Variants in LIN28B observed in about 807,000 individuals in gnomAD.
LIN28B encodes the protein protein lin-28 homolog B.
Under a neutral mutation model 21.9 loss-of-function variants are expected in LIN28B, and 5 were observed. The ratio of observed to expected loss-of-function variants is 0.23; its 90% CI spans 0.12 to 0.48. The LOEUF (loss-of-function observed/expected upper bound fraction) is 0.48. Among genes scored for constraint, LIN28B ranks in the 20% least tolerant of loss-of-function variants. The probability of loss-of-function intolerance (pLI) is 0.98; values close to 1 mark genes in which losing one functional copy is unlikely to be tolerated. For synonymous variants in LIN28B, 109 were observed against 111.3 expected (o/e 0.98, Z 0.13); for missense variants, 245 against 310.5 (o/e 0.79, Z 1.58).
intron 3 of LIN28B, among the ~76,000 whole-genome samples, chr6:105,069,245 A>C (rs752614826): frequency 6.6e-6 from 1 of 152,156 alleles, no homozygotes; most frequent in Non-Finnish European, 1.5e-5. Context: ...AAACAAAAAA[A>C]CAGAATTTGG....
chr6:104,995,084 CA>C (rs1459248196), intron 2 of LIN28B, among the ~76,000 whole-genome samples: 1 of 152,138 alleles, frequency 6.6e-6, no homozygotes, highest in East Asian at 1.9e-4. Context: ...GCATATATTT[CA>C]AAATCCCAGA....
intron 2 of LIN28B, among the ~76,000 whole-genome samples, chr6:104,977,862 G>A (rs1046203799): frequency 9.2e-5 from 14 of 151,944 alleles, no homozygotes; most frequent in South Asian, 2.1e-4. Context: ...CACCGCACCC[G>A]ACCAGGTGTA....
chr6:104,968,225 A>G (rs913781185), intron 2 of LIN28B, among the ~76,000 whole-genome samples: 2 of 152,202 alleles, frequency 1.3e-5, no homozygotes, highest in African/African-American at 4.8e-5. Flanking sequence ...CATAAAAGCA[A>G]AGGATCATTT....
intron 2 of LIN28B, among the ~76,000 whole-genome samples, chr6:105,024,517 T>C (rs1424405099): frequency 6.6e-6 from 1 of 152,166 alleles, no homozygotes; most frequent in Non-Finnish European, 1.5e-5. Context: ...AATGAGAAGA[T>C]GCTTTAGAAA....
intron 3 of LIN28B, among the ~76,000 whole-genome samples, chr6:105,046,128 T>G (rs974549541): frequency 6.6e-6 from 1 of 152,176 alleles, no homozygotes; most frequent in Non-Finnish European, 1.5e-5. Context: ...TAACTCAACA[T>G]TTACATTAGG....
intron 2 of LIN28B, among the ~76,000 whole-genome samples, chr6:104,981,537 C>A (rs1423174173): frequency 1.3e-5 from 2 of 152,170 alleles, no homozygotes; most frequent in Admixed American, 1.3e-4. Flanking sequence ...TTTCAGTTAT[C>A]TCATTTGTAC....
intron 2 of LIN28B, among the ~76,000 whole-genome samples, chr6:104,939,958 G>A (rs1356768384): frequency 6.6e-6 from 1 of 152,068 alleles, no homozygotes; most frequent in Non-Finnish European, 1.5e-5. Flanking sequence ...GATATTTTGG[G>A]AACATATACC....
intron 2 of LIN28B, among the ~76,000 whole-genome samples, chr6:105,006,648 C>A (rs1562090148): frequency 6.6e-6 from 1 of 152,122 alleles, no homozygotes; most frequent in Non-Finnish European, 1.5e-5. Context: ...CCCAAATTTT[C>A]AGTGGGGTAA....
At chr6:105,076,666 G>T (rs977331737) in intron 3 of LIN28B, among the ~76,000 whole-genome samples, 4 of 151,994 alleles carry the variant, frequency 2.6e-5, no homozygotes, top group African/African-American at 7.2e-5. Context: ...GGAGTGCAGT[G>T]GCGCAATCTC....
At chr6:105,077,220 A>G (rs1040903409) in intron 3 of LIN28B, among the ~76,000 whole-genome samples, 4 of 152,100 alleles carry the variant, frequency 2.6e-5, no homozygotes, top group African/African-American at 9.7e-5. Flanking sequence ...GAGAGATTCC[A>G]TCTCAAAAAA....
intron 3 of LIN28B, among the ~76,000 whole-genome samples, chr6:105,059,702 T>C (rs1323330331): frequency 6.6e-6 from 1 of 152,146 alleles, no homozygotes; most frequent in Non-Finnish European, 1.5e-5. Flanking sequence ...CTCTGAAATA[T>C]TACTAAAATG....
chr6:104,944,923 G>T (rs1375099384), intron 2 of LIN28B, among the ~76,000 whole-genome samples: 2 of 152,020 alleles, frequency 1.3e-5, no homozygotes, highest in Non-Finnish European at 2.9e-5. Flanking sequence ...TGGAAAAAAA[G>T]ACTTGATGTT....
At chr6:105,043,341 C>CAAAAAAAAAA (rs57532096) in intron 3 of LIN28B, among the ~76,000 whole-genome samples, 11 of 75,380 alleles carry the variant, frequency 1.5e-4, no homozygotes, top group East Asian at 2.9e-4. Context: ...GACTCTGTCT[C>CAAAAAAAAAA]AAAAAAAAAA....
chr6:104,986,086 A>G (rs542929350), intron 2 of LIN28B, among the ~76,000 whole-genome samples: 9 of 152,068 alleles, frequency 5.9e-5, no homozygotes, highest in Non-Finnish European at 7.3e-5. Context: ...TTCTTGTGAT[A>G]GTGGGTGAGT....
At chr6:105,004,964 T>A (rs978861670) in intron 2 of LIN28B, among the ~76,000 whole-genome samples, 2 of 152,176 alleles carry the variant, frequency 1.3e-5, no homozygotes, top group African/African-American at 4.8e-5. Flanking sequence ...TTCTTTACCA[T>A]TTTTAGATCA....
intron 2 of LIN28B, among the ~76,000 whole-genome samples, chr6:104,949,899 TA>T (rs984295176): frequency 2.0e-5 from 3 of 152,304 alleles, no homozygotes; most frequent in African/African-American, 2.4e-5. Context: ...AAATATAAGT[TA>T]AAATGCATAT....
At chr6:104,991,975 G>C (rs1354375907) in intron 2 of LIN28B, among the ~76,000 whole-genome samples, 1 of 151,778 alleles carries the variant, frequency 6.6e-6, no homozygotes. Flanking sequence ...GTCCAGCTTT[G>C]GCTCGGCATC....
chr6:105,080,487 G>A lies in LIN28B; in HGVS notation c.*1704G>A, dbSNP rs917122238. ...CTGTTTCAGCAAACCACCATAAGAC[G>A]AAAATGCCTCAGGTTGGGTTGCCAG... On this transcript the variant is annotated 3_prime_UTR_variant, in exon 4 of 4. Coordinates refer to ENST00000345080, the MANE Select transcript of LIN28B (RefSeq NM_001004317.4). The A allele has an allele frequency of 6.6e-6, 1 of 152,538 alleles. No individual in the cohort carries two copies. The highest frequency in any genetic ancestry group is 2.4e-5 in the African/African-American group (1 of 41,414). 9.4% of individuals were successfully genotyped at this position (152,538 alleles called of 1,614,324 possible).
intron 2 of LIN28B, among the ~76,000 whole-genome samples, chr6:104,999,309 T>G (rs1268663066): frequency 1.3e-5 from 2 of 152,050 alleles, no homozygotes; most frequent in African/African-American, 4.8e-5. Flanking sequence ...CCAACTGATT[T>G]TGTGTTTTTT....
Sources: allele counts gnomAD v4.1 joint callset (sites outside exome capture counted in the v4.1 genomes callset), GRCh38; gene constraint gnomAD v4.1.1; transcripts MANE v1.5; gene names NCBI Gene and HGNC (gene_info 2026-07-23, HGNC 2026-07-21).